DNAH7: variants seen among roughly 807,000 people sequenced by gnomAD.
DNAH7 encodes the protein axonemal beta dynein heavy chain 7.
In DNAH7, 397 loss-of-function variants were observed where a neutral mutation model predicts 444.6. That is an observed-to-expected ratio of 0.89 (90% CI 0.82 to 0.97). The LOEUF (loss-of-function observed/expected upper bound fraction) is 0.97. DNAH7 is among the 50% of genes least tolerant of loss of function. The pLI is 0.00. For synonymous variants in DNAH7, 1,636 were observed against 1,624.4 expected (o/e 1.01, Z -0.17); for missense variants, 4,902 against 4,800.8 (o/e 1.02, Z -0.62).
At chr2:196,063,522 T>C (rs1698249207) in intron 1 of DNAH7, 1 of 152,266 alleles carries the variant, frequency 6.6e-6, no homozygotes, top group Non-Finnish European at 1.5e-5. Flanking sequence ...CAACTGAATT[T>C]GTTGCCAACA....
intron 19 of DNAH7, among the ~76,000 whole-genome samples, chr2:195,947,217 G>A (rs906027314): frequency 2.0e-5 from 3 of 150,656 alleles, no homozygotes; most frequent in Non-Finnish European, 3.0e-5. Flanking sequence ...GGCTGGTCTC[G>A]AACTCCTGAC....
intron 1 of DNAH7, among the ~76,000 whole-genome samples, chr2:196,067,158 G>A (rs1237899283): frequency 6.6e-6 from 1 of 152,108 alleles, no homozygotes; most frequent in African/African-American, 2.4e-5. Flanking sequence ...AACGGCTGGT[G>A]GGTTTTTTGT....
At position 195,737,721 on chromosome 2, in the gene DNAH7, A is replaced by AGT; in HGVS notation, c.*198_*199dup. 1 of 359,618 alleles carries AGT rather than the reference A, an allele frequency of 2.8e-6. No homozygotes were observed. 22.3% of individuals were successfully genotyped at this position (359,618 alleles called of 1,614,324 possible). ...GCAAATATGCCAGTGTGTTTTCTTT[A>AGT]GTCTTTATTTCAGAACATTTCCTTA... On this transcript the variant is annotated 3_prime_UTR_variant, in exon 65 of 65. Transcript: ENST00000312428.
intron 63 of DNAH7, among the ~76,000 whole-genome samples, chr2:195,747,676 T>G (rs533818103): frequency 2.4e-3 from 358 of 152,276 alleles, no homozygotes; most frequent in Non-Finnish European, 4.2e-3. Context: ...CAAGGCTGGT[T>G]CCATATATGC....
intron 48 of DNAH7, among the ~76,000 whole-genome samples, chr2:195,828,593 C>CATATAT (rs1217210000): frequency 1.0e-4 from 14 of 136,710 alleles, no homozygotes; most frequent in African/African-American, 3.6e-4. Context: ...TCAAAAATAA[C>CATATAT]ATATATATAT....
intron 55 of DNAH7, among the ~76,000 whole-genome samples, chr2:195,798,037 T>C (rs1198445162): frequency 6.6e-6 from 1 of 152,258 alleles, no homozygotes; most frequent in Non-Finnish European, 1.5e-5. Flanking sequence ...CACCTATTTA[T>C]AGTTTTCTTT....
chr2:195,913,996 G>A (rs950998566), intron 24 of DNAH7, among the ~76,000 whole-genome samples: 52 of 152,218 alleles, frequency 3.4e-4, no homozygotes, highest in African/African-American at 1.1e-3. Context: ...TTACAGGCGC[G>A]AGCCACCGTG....
chr2:195,773,811 A>G (rs182328308), intron 60 of DNAH7, among the ~76,000 whole-genome samples: 272 of 152,348 alleles, frequency 1.8e-3, no homozygotes, highest in African/African-American at 6.1e-3. Context: ...TCTATTCTAA[A>G]TAGTGTGTGG....
intron 9 of DNAH7, among the ~76,000 whole-genome samples, chr2:196,014,714 T>TTCCAC (rs1694911895): frequency 6.6e-6 from 1 of 152,184 alleles, no homozygotes; most frequent in Non-Finnish European, 1.5e-5. Context: ...CCCACAGAAA[T>TTCCAC]TCCACTCGAA....
intron 36 of DNAH7, 49 bp from the exon 37 acceptor site, chr2:195,876,748 C>T (rs1325731106): frequency 1.5e-6 from 2 of 1,335,164 alleles, no homozygotes; most frequent in East Asian, 2.4e-5. Context: ...TATGTTTTGA[C>T]ATTTCAGAAT....
At chr2:195,855,685 C>A in intron 45 of DNAH7, 126 bp downstream of exon 45, 1 of 975,086 alleles carries the variant, frequency 1.0e-6, no homozygotes, top group Non-Finnish European at 1.5e-6. Flanking sequence ...ATGTGGCCTG[C>A]GGGTCATAGT....
chr2:196,051,223 G>C lies in DNAH7; in HGVS notation c.105C>G (p.Phe35Leu), dbSNP rs1002867038. Reference protein sequence around the residue: ...SMEKLASKEKFKAPARALPQL... With the variant: ...SMEKLASKEKLKAPARALPQL... ...GTGGTAAAGCTCTTGCTGGTGCCTT[G>C]AACTTTTCTTTGCTGGCTAATTTCT... Residue 35 changes from phenylalanine (F) to leucine (L), a missense_variant, in exon 3 of 65, where the codon TTC (phenylalanine) becomes TTG (leucine). Phe to Leu is a conservative substitution (Grantham distance 22). Transcript: ENST00000312428. 6.2e-7 allele frequency: 1 copy of C among 1,613,832 alleles called. No individual in the cohort carries two copies. The highest frequency in any genetic ancestry group is 8.5e-7 in the Non-Finnish European group (1 of 1,179,844).
In DNAH7 at chr2:195,888,707, A is replaced by T. The variant is rs564317058; in HGVS notation, c.5229+92T>A. 9 of 1,306,946 alleles carry T rather than the reference A, an allele frequency of 6.9e-6. No individual in the cohort carries two copies. In the African/African-American group the frequency reaches 1.2e-4, roughly 17 times the overall value. 81.0% of individuals were successfully genotyped at this position (1,306,946 alleles called of 1,614,324 possible). On this transcript the variant is annotated intron_variant, in intron 32 of 64. Transcript: ENST00000312428. ...ATCGCTCTTAAAAGAAATTCTGCTA[A>T]TATTTTTTGTTTAAAGTCAAAGGTA...
chr2:195,812,324 A>G (rs2124870940), intron 51 of DNAH7, among the ~76,000 whole-genome samples: 1 of 152,088 alleles, frequency 6.6e-6, no homozygotes, highest in South Asian at 2.1e-4. Flanking sequence ...TCTTTATCAC[A>G]ATGTCATGGT....
At position 195,927,430 on chromosome 2, in the gene DNAH7, T is replaced by C. The variant is rs747098233; in HGVS notation, c.3472-864A>G. On this transcript the variant is annotated intron_variant, in intron 21 of 64. Coordinates refer to ENST00000312428, the MANE Select transcript of DNAH7 (RefSeq NM_018897.3). ...AAGGGCAGAATGCTGGGTGTTGATA[T>C]TAAAGACATTTTTAAGAGCAGAAGA... Among the ~76,000 whole-genome samples, 3 of 151,920 alleles carry C rather than the reference T, an allele frequency of 2.0e-5. No individual in the cohort carries two copies. In the East Asian group the frequency reaches 5.8e-4, roughly 29 times the overall value.
chr2:195,894,849 T>C, intron 30 of DNAH7, 127 bp downstream of exon 30: 2 of 975,676 alleles, frequency 2.0e-6, no homozygotes, highest in Non-Finnish European at 2.8e-6. Context: ...AAAACTTTAT[T>C]TTCTCTTTGA....
At chr2:195,953,756 A>C (rs1452247089) in intron 19 of DNAH7, among the ~76,000 whole-genome samples, 2 of 152,206 alleles carry the variant, frequency 1.3e-5, no homozygotes, top group South Asian at 2.1e-4. Context: ...AGTTATATTA[A>C]CAACAGTATT....
chr2:195,823,007 T>C (rs550578812), intron 49 of DNAH7, among the ~76,000 whole-genome samples: 3 of 152,326 alleles, frequency 2.0e-5, no homozygotes, highest in Admixed American at 2.0e-4. Context: ...ATACTTTTAT[T>C]ATTCTCATTT....
chr2:195,861,458 T>C (rs1700009553), intron 42 of DNAH7, among the ~76,000 whole-genome samples: 1 of 152,216 alleles, frequency 6.6e-6, no homozygotes, highest in Admixed American at 6.5e-5. Context: ...TTACTCAATA[T>C]TCACAGCTCT....
Sources: allele counts gnomAD v4.1 joint callset (sites outside exome capture counted in the v4.1 genomes callset), GRCh38; gene constraint gnomAD v4.1.1; transcripts MANE v1.5; gene names NCBI Gene and HGNC (gene_info 2026-07-23, HGNC 2026-07-21).